MACROD2: variants seen among roughly 807,000 people sequenced by gnomAD.
MACROD2 encodes the protein ADP-ribose glycohydrolase MACROD2.
In MACROD2, 36 loss-of-function variants were observed where a neutral mutation model predicts 70.4. The ratio of observed to expected loss-of-function variants is 0.51; its 90% CI spans 0.39 to 0.68. The LOEUF is 0.68. Ranked by LOEUF, MACROD2 falls within the 30% of genes least tolerant of loss-of-function variation. MACROD2 has a pLI of 0.00. For missense variants in MACROD2, 496 were observed against 538.4 expected (o/e 0.92, Z 0.78); for synonymous variants, 172 against 178.8 (o/e 0.96, Z 0.30).
intron 5 of MACROD2, among the ~76,000 whole-genome samples, chr20:15,213,931 A>T (rs1166458465): frequency 6.6e-6 from 1 of 150,482 alleles, no homozygotes; most frequent in Admixed American, 6.6e-5. Flanking sequence ...TTTTGTGGAG[A>T]CACGGTCTCC....
At chr20:14,350,439 G>A (rs2083112622) in intron 3 of MACROD2, among the ~76,000 whole-genome samples, 1 of 151,944 alleles carries the variant, frequency 6.6e-6, no homozygotes, top group Non-Finnish European at 1.5e-5. Flanking sequence ...CAAATGGGGT[G>A]AGTTGATATT....
At chr20:14,544,399 T>C (rs1195051260) in intron 4 of MACROD2, among the ~76,000 whole-genome samples, 1 of 152,140 alleles carries the variant, frequency 6.6e-6, no homozygotes, top group African/African-American at 2.4e-5. Flanking sequence ...GTGATCTAGA[T>C]CTCAGCAACT....
chr20:14,922,087 A>G (rs974626196), intron 5 of MACROD2, among the ~76,000 whole-genome samples: 5 of 152,176 alleles, frequency 3.3e-5, no homozygotes, highest in Admixed American at 6.5e-5. Context: ...AGCAATTTCT[A>G]TGATGACCCG....
intron 6 of MACROD2, among the ~76,000 whole-genome samples, chr20:15,291,953 A>G (rs752402042): frequency 6.6e-6 from 1 of 152,186 alleles, no homozygotes; most frequent in Non-Finnish European, 1.5e-5. Context: ...AAGGTACAAA[A>G]CATCCCTGTG....
chr20:15,012,935 G>A (rs929640303), intron 5 of MACROD2, among the ~76,000 whole-genome samples: 4 of 152,156 alleles, frequency 2.6e-5, no homozygotes, highest in African/African-American at 9.7e-5. Flanking sequence ...GATCATACAC[G>A]GCTTAAGTAC....
intron 3 of MACROD2, among the ~76,000 whole-genome samples, chr20:14,300,279 C>T (rs1294633512): frequency 6.6e-6 from 1 of 152,200 alleles, no homozygotes; most frequent in African/African-American, 2.4e-5. Context: ...TGCATTAGCT[C>T]ATGTGAATCT....
intron 8 of MACROD2, among the ~76,000 whole-genome samples, chr20:15,519,763 C>G (rs1233772): frequency 0.13 from 20,294 of 152,122 alleles, 2,728 homozygotes; most frequent in African/African-American, 0.35. Context: ...GAATCTGGTA[C>G]CTAGAGAAGC....
At chr20:16,039,970 A>G (rs1438560737) in intron 15 of MACROD2, among the ~76,000 whole-genome samples, 3 of 151,892 alleles carry the variant, frequency 2.0e-5, no homozygotes, top group Non-Finnish European at 1.5e-5. Flanking sequence ...TGTCCCCCAA[A>G]TACCCACATG....
chr20:15,367,820 T>C (rs1156726994), intron 6 of MACROD2, among the ~76,000 whole-genome samples: 1 of 152,198 alleles, frequency 6.6e-6, no homozygotes, highest in Non-Finnish European at 1.5e-5. Context: ...AAATACCACA[T>C]GTATACGTTA....
intron 5 of MACROD2, among the ~76,000 whole-genome samples, chr20:15,018,093 T>C (rs1326236246): frequency 6.6e-6 from 1 of 152,206 alleles, no homozygotes; most frequent in African/African-American, 2.4e-5. Flanking sequence ...TATCGAATAG[T>C]CAGGCTGCGA....
In MACROD2 at chr20:14,313,650, A is replaced by AT. The variant is rs542053893; in HGVS notation, c.272-179827dup. Among the ~76,000 whole-genome samples, 328 of 152,314 alleles carry AT rather than the reference A, an allele frequency of 2.2e-3. 3 individuals carry two copies. The highest frequency in any genetic ancestry group is 7.6e-3 in the African/African-American group (314 of 41,580). On this transcript the variant is annotated intron_variant, in intron 3 of 17. Coordinates refer to ENST00000684519, the MANE Select transcript of MACROD2 (RefSeq NM_001351661.2). Reference sequence around the variant, plus strand: ...GCAGCATAATAAATATTGAAACGGAATTCTCACTCTTAGACCTAATCCTTT... The same window carrying AT: ...GCAGCATAATAAATATTGAAACGGAATTTCTCACTCTTAGACCTAATCCTTT...
At chr20:14,292,974 T>C (rs1419323199) in intron 3 of MACROD2, among the ~76,000 whole-genome samples, 2 of 151,790 alleles carry the variant, frequency 1.3e-5, no homozygotes, top group African/African-American at 4.9e-5. Context: ...CATTAGGTAA[T>C]TAAAGAACAC....
chr20:14,774,604 G>T (rs1272285345), intron 5 of MACROD2, among the ~76,000 whole-genome samples: 2 of 152,024 alleles, frequency 1.3e-5, no homozygotes, highest in East Asian at 3.9e-4. Context: ...CTCAACTCTT[G>T]TGGTCTTTAA....
At chr20:15,500,948 C>A (rs1180756610) in intron 8 of MACROD2, among the ~76,000 whole-genome samples, 1 of 152,186 alleles carries the variant, frequency 6.6e-6, no homozygotes, top group Non-Finnish European at 1.5e-5. Context: ...AAATAGCCAG[C>A]TTACAAAACA....
At chr20:14,305,637 C>CT (rs2082513606) in intron 3 of MACROD2, among the ~76,000 whole-genome samples, 1 of 152,142 alleles carries the variant, frequency 6.6e-6, no homozygotes, top group Non-Finnish European at 1.5e-5. Flanking sequence ...TTCCCCAGTA[C>CT]TTCACCATTT....
intron 5 of MACROD2, among the ~76,000 whole-genome samples, chr20:15,203,057 T>G (rs1019691988): frequency 3.3e-5 from 5 of 152,184 alleles, no homozygotes; most frequent in Non-Finnish European, 7.4e-5. Context: ...AATTCTTTGT[T>G]CATATTGGGA....
chr20:15,343,229 TACA>T (rs1426180176), intron 6 of MACROD2, among the ~76,000 whole-genome samples: 1 of 152,232 alleles, frequency 6.6e-6, no homozygotes, highest in African/African-American at 2.4e-5. Context: ...GTGCTCTTGT[TACA>T]ACATTATTTT....
At chr20:15,826,862 TAAC>T (rs769701431) in intron 8 of MACROD2, among the ~76,000 whole-genome samples, 32 of 152,198 alleles carry the variant, frequency 2.1e-4, no homozygotes, top group Non-Finnish European at 4.1e-4. Flanking sequence ...GCATTTTTAA[TAAC>T]AAAAAATGTG....
chr20:14,576,570 C>T (rs537195076), intron 4 of MACROD2, among the ~76,000 whole-genome samples: 1 of 152,162 alleles, frequency 6.6e-6, no homozygotes, highest in South Asian at 2.1e-4. Context: ...ATATGGAGGT[C>T]CCAAGTCAAG....
Sources: allele counts gnomAD v4.1 joint callset (sites outside exome capture counted in the v4.1 genomes callset), GRCh38; gene constraint gnomAD v4.1.1; transcripts MANE v1.5; gene names NCBI Gene and HGNC (gene_info 2026-07-23, HGNC 2026-07-21).